GRIK4: variants seen among roughly 807,000 people sequenced by gnomAD.
GRIK4 encodes the protein glutamate ionotropic receptor kainate type subunit 4, also known as glutamate receptor ionotropic, kainate 4.
Under a neutral mutation model 104.9 loss-of-function variants are expected in GRIK4, and 40 were observed. The observed-to-expected ratio is 0.38, with a 90% CI of 0.30 to 0.50. The LOEUF (loss-of-function observed/expected upper bound fraction) is 0.50, where lower values mean the gene tolerates loss of function less well. Among genes scored for constraint, GRIK4 ranks in the 20% least tolerant of loss-of-function variants. The probability of loss-of-function intolerance (pLI) is 0.93; values close to 1 mark genes in which losing one functional copy is unlikely to be tolerated. For missense variants in GRIK4, 1,047 were observed against 1,308.1 expected (o/e 0.80, Z 3.08); for synonymous variants, 485 against 524.9 (o/e 0.92, Z 1.04).
At chr11:120,580,240 TTTCTTTC>T (rs1472471177) in intron 1 of GRIK4, among the ~76,000 whole-genome samples, 1 of 132,908 alleles carries the variant, frequency 7.5e-6, no homozygotes, top group Non-Finnish European at 1.5e-5. Flanking sequence ...TCTTTCTTTC[TTTCTTTC>T]TTTCTTTTTC....
At chr11:120,901,758 C>T (rs747516871) in intron 12 of GRIK4, among the ~76,000 whole-genome samples, 3 of 152,184 alleles carry the variant, frequency 2.0e-5, no homozygotes, top group African/African-American at 7.2e-5. Context: ...TTACACCGTG[C>T]TTGGAGTTCT....
In GRIK4 at chr11:120,940,514, C is replaced by T; in HGVS notation, c.1590+54C>T. 1.0e-6 allele frequency: 1 copy of T among 973,990 alleles called. No individual in the cohort carries two copies. Among genetic ancestry groups the T allele is most frequent in the East Asian group, 2.4e-5 (1 of 41,944 alleles). 60.3% of individuals were successfully genotyped at this position (973,990 alleles called of 1,614,324 possible). ...GTCATTAAAGTTATTTGCATGCAAA[C>T]ACTGAGTTATACGGGAATAATGAAT... On this transcript the variant is annotated intron_variant, in intron 14 of 20. Coordinates refer to ENST00000527524, the MANE Select transcript of GRIK4 (RefSeq NM_014619.5). This position sits in a 1 kb window ranked among gnomAD's most constrained non-coding sequence, Gnocchi z 4.3.
At chr11:120,972,860 T>C (rs1189756923) in intron 19 of GRIK4, among the ~76,000 whole-genome samples, 3 of 152,104 alleles carry the variant, frequency 2.0e-5, no homozygotes, top group Non-Finnish European at 4.4e-5. Flanking sequence ...CCCAGAAATA[T>C]GTGCCATGCC....
chr11:120,753,941 C>T (rs1484681274), intron 3 of GRIK4, among the ~76,000 whole-genome samples: 1 of 152,184 alleles, frequency 6.6e-6, no homozygotes, highest in Admixed American at 6.5e-5. Context: ...AAGCCCATCC[C>T]CTTGAGCTAT....
intron 1 of GRIK4, among the ~76,000 whole-genome samples, chr11:120,609,535 TTTTTTTTTTG>T (rs1334302018): frequency 1.5e-5 from 2 of 134,510 alleles, no homozygotes; most frequent in African/African-American, 2.9e-5. Flanking sequence ...TTTTTTTTTT[TTTTTTTTTTG>T]AGACAGAGTT....
In GRIK4 at chr11:120,642,005, T is replaced by C. The variant is rs146470410; in HGVS notation, c.-158-11680T>C. ...CCCAAGCCTGGTTTGGGTGCTCTGT[T>C]CCGGTGTTCCCATGGCAACCAGGAA... On this transcript the variant is annotated intron_variant, in intron 1 of 20. Coordinates refer to ENST00000527524, the MANE Select transcript of GRIK4 (RefSeq NM_014619.5). Among the ~76,000 whole-genome samples the C allele has an allele frequency of 3.0e-3, 464 of 152,294 alleles. 3 individuals are homozygous for C. In the South Asian group the frequency reaches 0.031, roughly 10 times the overall value.
chr11:120,845,423 C>T (rs1953826503), intron 8 of GRIK4, among the ~76,000 whole-genome samples: 1 of 152,004 alleles, frequency 6.6e-6, no homozygotes, highest in Non-Finnish European at 1.5e-5. Context: ...ATTTCCCTTC[C>T]CTCTCTTTTT....
intron 3 of GRIK4, among the ~76,000 whole-genome samples, chr11:120,759,878 A>G (rs1009306417): frequency 5.3e-5 from 8 of 152,012 alleles, no homozygotes; most frequent in African/African-American, 1.7e-4. Context: ...GGCTTACAAC[A>G]TGATGTTAGG....
At chr11:120,883,965 G>C (rs1029797512) in intron 11 of GRIK4, among the ~76,000 whole-genome samples, 3 of 152,204 alleles carry the variant, frequency 2.0e-5, no homozygotes, top group African/African-American at 7.2e-5. Context: ...TGGGAGGTGG[G>C]CCAGGCCACC....
intron 3 of GRIK4, among the ~76,000 whole-genome samples, chr11:120,738,919 C>T (rs1206172710): frequency 2.0e-5 from 3 of 152,180 alleles, no homozygotes; most frequent in Non-Finnish European, 2.9e-5. Flanking sequence ...GAGACGCAGC[C>T]GGTAGGGAGC....
chr11:120,934,078 G>T (rs992652819), intron 13 of GRIK4, among the ~76,000 whole-genome samples: 1 of 151,940 alleles, frequency 6.6e-6, no homozygotes. Flanking sequence ...GGTGGCGGGC[G>T]CCTGTAGTCC....
chr11:120,659,628 T>C (rs1949777668), intron 2 of GRIK4, among the ~76,000 whole-genome samples: 1 of 152,184 alleles, frequency 6.6e-6, no homozygotes. Context: ...CTCTCCTCAG[T>C]GTGCAGTGCC....
intron 3 of GRIK4, among the ~76,000 whole-genome samples, chr11:120,722,089 C>T (rs1950942392): frequency 6.6e-6 from 1 of 152,158 alleles, no homozygotes; most frequent in African/African-American, 2.4e-5. Context: ...GTGTAGCAGG[C>T]AAGCTCCCAG....
intron 13 of GRIK4, among the ~76,000 whole-genome samples, chr11:120,907,604 G>A (rs1047683109): frequency 2.6e-4 from 40 of 152,116 alleles, no homozygotes; most frequent in African/African-American, 8.7e-4. Context: ...AAATAAACAC[G>A]GACACAGCCC....
intron 3 of GRIK4, among the ~76,000 whole-genome samples, chr11:120,723,767 G>C (rs942667213): frequency 2.7e-5 from 4 of 150,926 alleles, no homozygotes; most frequent in African/African-American, 9.7e-5. Context: ...CTCCAAACCA[G>C]TGGTTCTTGG....
At chr11:120,766,683 A>T (rs1371252134) in intron 3 of GRIK4, among the ~76,000 whole-genome samples, 1 of 151,988 alleles carries the variant, frequency 6.6e-6, no homozygotes, top group South Asian at 2.1e-4. Flanking sequence ...ACAGTCCCTC[A>T]TGGCTTCCCT....
chr11:120,718,847 G>A (rs1205707342), intron 3 of GRIK4, among the ~76,000 whole-genome samples: 1 of 152,134 alleles, frequency 6.6e-6, no homozygotes, highest in Non-Finnish European at 1.5e-5. Flanking sequence ...CTTTCCCGTC[G>A]TACTTGCCCG....
chr11:120,645,288 C>T lies in GRIK4; in HGVS notation c.-158-8397C>T, dbSNP rs928849542. On this transcript the variant is annotated intron_variant, in intron 1 of 20. Coordinates refer to ENST00000527524, the MANE Select transcript of GRIK4 (RefSeq NM_014619.5). ...GCCTCGTTCCTTGACTGTGTGACTGCGGTTCCCAGCCTGTGCCGGGTGACT... is the reference window on the plus strand; with the variant it reads ...GCCTCGTTCCTTGACTGTGTGACTGTGGTTCCCAGCCTGTGCCGGGTGACT... Among the ~76,000 whole-genome samples the T allele has an allele frequency of 3.3e-5, 5 of 152,204 alleles. No homozygotes were observed. The East Asian group carries it at 5.8e-4, about 18-fold the overall frequency.
chr11:120,846,785 T>C (rs576209380), intron 8 of GRIK4, among the ~76,000 whole-genome samples: 1 of 152,308 alleles, frequency 6.6e-6, no homozygotes, highest in South Asian at 2.1e-4. Flanking sequence ...TGAAATTCTA[T>C]TGAGTTTATG....
Sources: gnomAD v4.1 joint callset for allele counts (sites outside exome capture counted in the v4.1 genomes callset) on GRCh38, gnomAD v4.1.1 for gene constraint, Gnocchi (gnomAD v3.1) non-coding constraint, MANE v1.5 for transcripts, NCBI Gene and HGNC (gene_info 2026-07-23, HGNC 2026-07-21) for gene names.